ATG2A: variants seen among roughly 807,000 people sequenced by gnomAD.
The protein encoded by ATG2A is autophagy-related protein 2 homolog A.
In ATG2A, 103 loss-of-function variants were observed where a neutral mutation model predicts 214.2. That is an observed-to-expected ratio of 0.48 (90% CI 0.41 to 0.57). The LOEUF is 0.57. Among genes scored for constraint, ATG2A ranks in the 20% least tolerant of loss-of-function variants. ATG2A has a pLI of 0.00. For missense variants in ATG2A, 2,312 were observed against 2,613.2 expected, an observed-to-expected ratio of 0.88 and a Z score of 2.51; for synonymous variants, 1,160 against 1,142.1, an observed-to-expected ratio of 1.02 and a Z score of -0.32.
At chr11:64,916,298 G>C (rs1590666218) in intron 1 of ATG2A, among the ~76,000 whole-genome samples, 1 of 151,744 alleles carries the variant, frequency 6.6e-6, no homozygotes, top group African/African-American at 2.4e-5. Context: ...ACACTGAGCC[G>C]GGGGGGTCGG....
At chr11:64,906,074 A>G in intron 22 of ATG2A, 39 bp downstream of exon 22, 1 of 1,545,604 alleles carries the variant, frequency 6.5e-7, no homozygotes, top group Non-Finnish European at 8.8e-7. Context: ...AGAAGTCCAG[A>G]GTCACTGGGC....
Position 64,903,355 on chromosome 11 carries a change from C to T in ATG2A, c.3545G>A (p.Cys1182Tyr). ...ETLDLRRDYV[C>Y]VLDVDLLELV... is the part of the protein sequence containing the mutation. ...TTCCAAGAGGTCAACATCCAAAACA[C>T]AGACATAATCTGCAGCAGAGGCGAG... Residue 1182 changes from cysteine to tyrosine, a missense_variant, in exon 26 of 41, where the codon TGT becomes TAT. Physicochemically the swap from Cys to Tyr is radical, Grantham distance 194 (BLOSUM62 -2). Transcript: ENST00000377264. This position sits in a 1 kb window ranked among gnomAD's most constrained non-coding sequence, Gnocchi z 4.2. 6.2e-7 allele frequency: 1 copy of T among 1,614,138 alleles called. No individual in the cohort carries two copies. Among genetic ancestry groups the T allele is most frequent in the Non-Finnish European group, 8.5e-7 (1 of 1,180,018 alleles).
Position 64,907,391 on chromosome 11 carries a change from G to A in ATG2A, c.2696C>T (p.Ala899Val), listed in dbSNP as rs375290726. 1.0e-4 allele frequency: 165 copies of A among 1,573,680 alleles called. No homozygotes were observed. Among genetic ancestry groups the A allele is most frequent in the Non-Finnish European group, 1.3e-4 (155 of 1,159,848 alleles). ...TGATGCCCCCACTGAGAAGAAGTGG[G>A]CATCCTCGTCATCCGAGTCCGAGTC... The part of the protein sequence containing the change: ...TPDSDSDDED[A>V]HFFSVGASGG... Residue 899 changes from alanine to valine, a missense_variant, in exon 19 of 41, where the codon GCC becomes GTC. By Grantham distance (64) the Ala-to-Val change is moderately conservative. Transcript: ENST00000377264.
Position 64,910,926 on chromosome 11 carries a change from A to G in ATG2A, c.1495T>C (p.Trp499Arg), listed in dbSNP as rs561143371. ...RLTGTAVQLS[W>R]ELRTGSRGRR... ...CCCCGACTGCCCGTCCGCAGCTCCC[A>G]GGACAGCTGCACGGCTGTGCCCGTT... Residue 499 changes from tryptophan to arginine, a missense_variant, in exon 11 of 41, where the codon TGG becomes CGG. Physicochemically the swap from Trp to Arg is moderately radical, Grantham distance 101 (BLOSUM62 -3). Coordinates refer to ENST00000377264, the MANE Select transcript of ATG2A (RefSeq NM_015104.3). 4.6e-5 allele frequency: 75 copies of G among 1,613,206 alleles called. No homozygotes were observed. Among genetic ancestry groups the G allele is most frequent in the Non-Finnish European group, 5.8e-5 (68 of 1,179,968 alleles).
chr11:64,916,297 C>G (rs1944981648), intron 1 of ATG2A, among the ~76,000 whole-genome samples: 2 of 152,092 alleles, frequency 1.3e-5, no homozygotes, highest in African/African-American at 4.8e-5. Flanking sequence ...GACACTGAGC[C>G]GGGGGGGTCG....
rs779410634 is a variant in ATG2A, at chr11:64,895,075, C to T, written c.5715G>A (p.Thr1905=). The T allele has an allele frequency of 8.1e-6, 13 of 1,612,992 alleles. No individual in the cohort carries two copies. The South Asian group carries it at 9.9e-5, about 12-fold the overall frequency. The change falls in exon 41 of 41, where the codon ACG becomes ACA. Residue 1905 remains threonine (T), a synonymous_variant. Coordinates refer to ENST00000377264, the MANE Select transcript of ATG2A (RefSeq NM_015104.3). The surrounding 1 kb of genome is among the most constrained non-coding windows in gnomAD (Gnocchi z 5.0). ...CCCCGAGCAGGCTGGACGTGGCCTC[C>T]GTGGCCAGGATGAGCGGCTTCACCA... ...PTVVKPLILA[T]EATSSLLGGM... is the part of the protein sequence containing the mutation.
Position 64,903,409 on chromosome 11 carries a change from G to A in ATG2A, c.3536-45C>T, listed in dbSNP as rs370200812. On this transcript the variant is annotated intron_variant, in intron 25 of 40. Transcript: ENST00000377264. This position sits in a 1 kb window ranked among gnomAD's most constrained non-coding sequence, Gnocchi z 4.2. ...AAGGTCCTGTGGCCCCCTTCCACCC[G>A]GCCCCGGCCCCAGCACCTGGGGGAA... is the stretch of plus-strand genomic sequence containing the variant. 18 of 1,602,272 alleles carry A rather than the reference G, an allele frequency of 1.1e-5. No individual in the cohort carries two copies. The highest frequency in any genetic ancestry group is 5.4e-5 in the African/African-American group (4 of 74,688).
At position 64,917,010 on chromosome 11, in the gene ATG2A, C is replaced by T. The variant is rs764319951; in HGVS notation, c.126G>A (p.Leu42=). 2.5e-6 allele frequency: 4 copies of T among 1,613,708 alleles called. No individual in the cohort carries two copies. In the African/African-American group the frequency reaches 5.3e-5, roughly 22 times the overall value. Residue 42 remains leucine (L), a synonymous_variant, in exon 1 of 41, where the codon CTG becomes CTA. Coordinates refer to ENST00000377264, the MANE Select transcript of ATG2A (RefSeq NM_015104.3). The stretch of plus-strand genomic sequence containing the variant: ...CTCGCAGGGCAACGCTGCCCTTGTA[C>T]AGATCGAGGCTGAGCTGGTCCAGGC... ...HLSLDQLSLD[L]YKGSVALRDI... is the part of the protein sequence containing the mutation.
chr11:64,899,902 A>G (rs935084519), intron 31 of ATG2A, among the ~76,000 whole-genome samples: 3 of 148,058 alleles, frequency 2.0e-5, no homozygotes, highest in African/African-American at 5.1e-5. Flanking sequence ...TCTGTTGCCC[A>G]GGCTGGAATG....
In ATG2A at chr11:64,895,564, A is replaced by C. The variant is rs905529348; in HGVS notation, c.5428-122T>G. 4 of 1,155,476 alleles carry C rather than the reference A, an allele frequency of 3.5e-6. No individual in the cohort carries two copies. Among genetic ancestry groups the C allele is most frequent in the Non-Finnish European group, 3.5e-6 (3 of 845,178 alleles). The allele number at this position is 1,155,476 out of a possible 1,614,324, so 71.6% of individuals were successfully genotyped here. ...TCCCTGCCTGTCACTGTGCTGGCCT[A>C]GGGGGTCCTGCTCAGCCTCACTCCC... On this transcript the variant is annotated intron_variant, in intron 39 of 40. Coordinates refer to ENST00000377264, the MANE Select transcript of ATG2A (RefSeq NM_015104.3). The surrounding 1 kb of genome is among the most constrained non-coding windows in gnomAD (Gnocchi z 5.0).
intron 10 of ATG2A, 39 bp from the exon 11 acceptor site, chr11:64,910,993 G>A: frequency 4.3e-6 from 7 of 1,613,606 alleles, no homozygotes; most frequent in Non-Finnish European, 5.9e-6. Flanking sequence ...GTGCACTTAG[G>A]GGGCTCTGAT....
rs377618342 is a variant in ATG2A, at chr11:64,895,027, G to A, written c.5763C>T (p.Pro1921=). 6.0e-5 allele frequency: 96 copies of A among 1,613,082 alleles called. 1 individual carries two copies. The highest frequency in any genetic ancestry group is 2.0e-4 in the Admixed American group (12 of 59,978). The part of the protein sequence containing the change: ...LLGGMRNQIV[P]DAHKDHALKW... ...TGAGGGCGTGGTCCTTGTGGGCGTC[G>A]GGGACAATCTGGTTGCGCATGCCCC... The change falls in exon 41 of 41, where the codon CCC becomes CCT. Residue 1921 remains proline, a synonymous_variant. Coordinates refer to ENST00000377264, the MANE Select transcript of ATG2A (RefSeq NM_015104.3). The surrounding 1 kb of genome is among the most constrained non-coding windows in gnomAD (Gnocchi z 5.0).
At chr11:64,896,709 TA>T in intron 38 of ATG2A, 38 bp downstream of exon 38, 1 of 1,611,624 alleles carries the variant, frequency 6.2e-7, no homozygotes, top group Non-Finnish European at 8.5e-7. Flanking sequence ...TGCCCAAGGG[TA>T]AAAGCAGTTT....
chr11:64,916,794 T>G, intron 1 of ATG2A, 171 bp downstream of exon 1: 2 of 832,862 alleles, frequency 2.4e-6, no homozygotes, highest in Non-Finnish European at 3.6e-6. Flanking sequence ...CTGGCTCTGG[T>G]AAGGAACTGA....
Position 64,912,076 on chromosome 11 carries a change from C to T in ATG2A, c.1087+9G>A. ...TGCCCCTCCAACCACGGTCTGACCC[C>T]ACACCCACCAGTGTTATCCAGGTTG... On this transcript the variant is annotated intron_variant, in intron 8 of 40. Transcript: ENST00000377264. 6.2e-7 allele frequency: 1 copy of T among 1,612,802 alleles called. No individual in the cohort carries two copies. Among genetic ancestry groups the T allele is most frequent in the Non-Finnish European group, 8.5e-7 (1 of 1,179,070 alleles).
chr11:64,902,473 T>C (rs1460397498), intron 27 of ATG2A, 43 bp downstream of exon 27: 4 of 1,445,282 alleles, frequency 2.8e-6, no homozygotes, highest in Non-Finnish European at 3.7e-6. Context: ...GGGAGGGGCC[T>C]GGCCGAGCTC....
intron 21 of ATG2A, 21 bp downstream of exon 21, chr11:64,906,313 G>A (rs1334620147): frequency 6.2e-7 from 1 of 1,611,466 alleles, no homozygotes; most frequent in South Asian, 1.1e-5. Context: ...CAGGAGGGGT[G>A]GATGGTAGGC....
chr11:64,911,381 A>T, intron 9 of ATG2A, 106 bp from the exon 10 acceptor site: 1 of 1,141,074 alleles, frequency 8.8e-7, no homozygotes, highest in African/African-American at 1.5e-5. Flanking sequence ...GGTCTGCCCC[A>T]CCATGTGGCT....
At chr11:64,900,368 C>A in intron 31 of ATG2A, 126 bp downstream of exon 31, 10 of 1,463,352 alleles carry the variant, frequency 6.8e-6, no homozygotes, top group Non-Finnish European at 8.4e-6. Flanking sequence ...TTGGTCCCTG[C>A]CTGGCTTCCT....
Sources: gnomAD v4.1 joint callset for allele counts (sites outside exome capture counted in the v4.1 genomes callset) on GRCh38, gnomAD v4.1.1 for gene constraint, Gnocchi (gnomAD v3.1) non-coding constraint, MANE v1.5 for transcripts, NCBI Gene and HGNC (gene_info 2026-07-23, HGNC 2026-07-21) for gene names.